Variants in IFT80 observed in about 807,000 individuals in gnomAD.
IFT80 encodes intraflagellar transport 80, also known as intraflagellar transport protein 80 homolog.
IFT80 carries 79 observed loss-of-function variants against 107.9 expected under a neutral mutation model. The ratio of observed to expected loss-of-function variants is 0.73; its 90% CI spans 0.61 to 0.88. The LOEUF is 0.88. Ranked by LOEUF, IFT80 falls within the 40% of genes least tolerant of loss-of-function variation. The pLI is 0.00. For missense variants in IFT80, 797 were observed against 914.2 expected, an observed-to-expected ratio of 0.87 and a Z score of 1.65; for synonymous variants, 299 against 300.9, an observed-to-expected ratio of 0.99 and a Z score of 0.07.
At chr3:160,377,296 G>A (rs907659448) in intron 4 of IFT80, 134 bp downstream of exon 4, 2 of 644,682 alleles carry the variant, frequency 3.1e-6, no homozygotes, top group African/African-American at 3.7e-5. Context: ...TTATATAGCA[G>A]TGTAGAACAA....
intron 16 of IFT80, among the ~76,000 whole-genome samples, chr3:160,278,925 C>T (rs916189114): frequency 3.2e-4 from 49 of 152,166 alleles, no homozygotes; most frequent in African/African-American, 1.2e-3. Context: ...GGGAGTAGAA[C>T]TTGGGAACCT....
intron 12 of IFT80, among the ~76,000 whole-genome samples, chr3:160,290,005 T>A (rs1715416840): frequency 1.3e-5 from 2 of 152,156 alleles, no homozygotes; most frequent in Non-Finnish European, 1.5e-5. Context: ...AAAGTTTGAA[T>A]GAAAACTGGA....
chr3:160,308,608 C>T (rs1280663576), intron 9 of IFT80, among the ~76,000 whole-genome samples: 1 of 152,012 alleles, frequency 6.6e-6, no homozygotes, highest in Non-Finnish European at 1.5e-5. Context: ...ATTAGTACTG[C>T]TTTAAGTTCT....
intron 19 of IFT80, among the ~76,000 whole-genome samples, chr3:160,263,964 TCCAG>T (rs1486995054): frequency 2.0e-5 from 3 of 151,492 alleles, no homozygotes; most frequent in Non-Finnish European, 4.4e-5. Flanking sequence ...AGCCACTGCG[TCCAG>T]CCTATTTATT....
intron 1 of IFT80, among the ~76,000 whole-genome samples, 171 bp downstream of exon 1, chr3:160,398,975 G>C (rs548664508): frequency 1.3e-5 from 2 of 152,158 alleles, no homozygotes; most frequent in South Asian, 2.1e-4. Context: ...TTAAAATTTA[G>C]GGCTTCCTCC....
intron 12 of IFT80, among the ~76,000 whole-genome samples, chr3:160,299,946 C>T (rs1389389152): frequency 6.6e-6 from 1 of 152,102 alleles, no homozygotes; most frequent in East Asian, 1.9e-4. Context: ...TTCACCATGG[C>T]CAAGTCTCTA....
chr3:160,276,864 A>G (rs1714306350), intron 18 of IFT80, among the ~76,000 whole-genome samples: 1 of 152,102 alleles, frequency 6.6e-6, no homozygotes, highest in East Asian at 1.9e-4. Flanking sequence ...AATTGCATCC[A>G]TTTCTCTTGC....
At chr3:160,393,601 T>C (rs1338975685) in intron 1 of IFT80, among the ~76,000 whole-genome samples, 1 of 152,148 alleles carries the variant, frequency 6.6e-6, no homozygotes, top group Non-Finnish European at 1.5e-5. Context: ...GAAGAATGAA[T>C]GGATGTGACA....
intron 1 of IFT80, chr3:160,391,636 A>C (rs1713393749): frequency 6.6e-6 from 1 of 152,174 alleles, no homozygotes. Context: ...ACACCACTGC[A>C]CTCCAGCCTG....
chr3:160,270,958 C>T (rs1345462705), intron 18 of IFT80, among the ~76,000 whole-genome samples: 1 of 151,938 alleles, frequency 6.6e-6, no homozygotes, highest in African/African-American at 2.4e-5. Flanking sequence ...TCCAAAATTC[C>T]GAATGAGATA....
chr3:160,261,667 G>A (rs1712844220), intron 19 of IFT80, among the ~76,000 whole-genome samples: 1 of 150,944 alleles, frequency 6.6e-6, no homozygotes, highest in Non-Finnish European at 1.5e-5. Context: ...TGGGCTTGGT[G>A]GCATTCATCT....
Position 160,388,216 on chromosome 3 carries a change from CT to C in IFT80, c.-46-3571del, listed in dbSNP as rs754817640. ...TGGTTTAATCTGGTAGGACTTGTTT[CT>C]TTTTTTTTTTTTTTCAGTGGCAAAT... On this transcript the variant is annotated intron_variant, in intron 1 of 19. Transcript: ENST00000326448. 9.1e-3 allele frequency among the ~76,000 whole-genome samples: 1,226 copies of C among 134,682 alleles called. 8 individuals carry two copies. Among genetic ancestry groups the C allele is most frequent in the African/African-American group, 0.022 (822 of 37,148 alleles). 88.4% of individuals were successfully genotyped at this position (134,682 alleles called of 152,430 possible).
At chr3:160,375,304 T>A (rs1271720414) in intron 5 of IFT80, among the ~76,000 whole-genome samples, 1 of 152,144 alleles carries the variant, frequency 6.6e-6, no homozygotes, top group African/African-American at 2.4e-5. Flanking sequence ...ACATAAAAAA[T>A]TAAGATGCTC....
At chr3:160,358,577 T>C (rs1484860074) in intron 6 of IFT80, among the ~76,000 whole-genome samples, 2 of 150,898 alleles carry the variant, frequency 1.3e-5, no homozygotes, top group Non-Finnish European at 3.0e-5. Flanking sequence ...GTACCTCCCA[T>C]TGATATGAAA....
chr3:160,266,152 T>C (rs1713299763), intron 19 of IFT80, among the ~76,000 whole-genome samples: 1 of 151,732 alleles, frequency 6.6e-6, no homozygotes, highest in Admixed American at 6.6e-5. Flanking sequence ...ACCTATATAG[T>C]TTCTGGATGG....
chr3:160,362,398 G>T (rs142612570), intron 6 of IFT80, among the ~76,000 whole-genome samples: 1 of 152,142 alleles, frequency 6.6e-6, no homozygotes, highest in African/African-American at 2.4e-5. Context: ...ACCAAAAAAA[G>T]TCCAGGACCA....
chr3:160,285,803 C>A lies in IFT80; in HGVS notation c.1380+1G>T, dbSNP rs1166385951. The A allele has an allele frequency of 1.3e-6, 2 of 1,584,458 alleles. No homozygotes were observed. The highest frequency in any genetic ancestry group is 2.3e-5 in the East Asian group (1 of 44,408). ...CATTAGAAGTAGTTAATGTCCATTA[C>A]CTTATGAGAAAGAAACTTTCCATCA... On this transcript the variant is annotated splice_donor_variant, in intron 13 of 19. Transcript: ENST00000326448. LOFTEE classifies it high-confidence loss of function.
At chr3:160,321,469 T>C (rs941241045) in intron 8 of IFT80, among the ~76,000 whole-genome samples, 7 of 151,980 alleles carry the variant, frequency 4.6e-5, no homozygotes, top group South Asian at 4.1e-4. Context: ...TTTAAAACCA[T>C]ACATTCATAT....
chr3:160,317,030 C>T (rs1002488877), intron 9 of IFT80, among the ~76,000 whole-genome samples: 1 of 152,072 alleles, frequency 6.6e-6, no homozygotes, highest in African/African-American at 2.4e-5. Flanking sequence ...TCATTTTTCA[C>T]TTTAAATCAA....
Sources: allele counts gnomAD v4.1 joint callset (sites outside exome capture counted in the v4.1 genomes callset), GRCh38; gene constraint gnomAD v4.1.1; transcripts MANE v1.5; gene names NCBI Gene and HGNC (gene_info 2026-07-23, HGNC 2026-07-21).